The following NEDD4L variants were observed in gnomAD, a reference collection of about 807,000 sequenced individuals.
NEDD4L encodes NEDD4 like E3 ubiquitin protein ligase.
A neutral mutation model predicts 148.9 loss-of-function variants in NEDD4L; 54 were observed. That is an observed-to-expected ratio of 0.36 (90% CI 0.29 to 0.45). NEDD4L has a LOEUF of 0.45. Among genes scored for constraint, NEDD4L ranks in the 20% least tolerant of loss-of-function variants. The pLI, the probability that NEDD4L is intolerant of heterozygous loss-of-function variation, is 1.00. For synonymous variants in NEDD4L, 433 were observed against 440.7 expected, an observed-to-expected ratio of 0.98 and a Z score of 0.22; for missense variants, 856 against 1,233.8, an observed-to-expected ratio of 0.69 and a Z score of 4.59.
intron 1 of NEDD4L, among the ~76,000 whole-genome samples, chr18:58,052,035 A>G (rs73959442): frequency 0.017 from 2,526 of 152,288 alleles, 66 homozygotes; most frequent in African/African-American, 0.057. Flanking sequence ...TTGCTGGAAT[A>G]TGGAAATGAT....
At chr18:58,282,841 G>C (rs978984366) in intron 5 of NEDD4L, among the ~76,000 whole-genome samples, 1 of 152,164 alleles carries the variant, frequency 6.6e-6, no homozygotes, top group Non-Finnish European at 1.5e-5. Context: ...GGATAGGCTA[G>C]ATCATGTTGA....
chr18:58,232,014 A>C (rs76434659), intron 2 of NEDD4L, among the ~76,000 whole-genome samples: 1 of 152,192 alleles, frequency 6.6e-6, no homozygotes, highest in East Asian at 1.9e-4. Flanking sequence ...ATTTTGTTCT[A>C]TGTAAATTAT....
At chr18:58,068,906 G>A (rs1262382882) in intron 1 of NEDD4L, among the ~76,000 whole-genome samples, 2 of 152,116 alleles carry the variant, frequency 1.3e-5, no homozygotes, top group South Asian at 2.1e-4. Context: ...GGAGGCTGAG[G>A]CAGGCAGATC....
rs140354578 is a variant in NEDD4L at position 58,393,041 on chromosome 18, C to T, written c.2825+1482C>T. Among the ~76,000 whole-genome samples the T allele has an allele frequency of 3.3e-5, 5 of 152,306 alleles. No homozygotes were observed. In the East Asian group the frequency reaches 9.6e-4, roughly 29 times the overall value. Reference sequence around the variant, plus strand: ...AGAGCTACCAGAATTAGAGCCTGCACCCTTTACCACTACACCAGATACACT... The same window carrying T: ...AGAGCTACCAGAATTAGAGCCTGCATCCTTTACCACTACACCAGATACACT... On this transcript the variant is annotated intron_variant, in intron 30 of 30. Coordinates refer to ENST00000400345, the MANE Select transcript of NEDD4L (RefSeq NM_001144967.3).
chr18:58,335,110 T>C (rs1453730388), intron 12 of NEDD4L, among the ~76,000 whole-genome samples: 2 of 152,224 alleles, frequency 1.3e-5, no homozygotes, highest in African/African-American at 4.8e-5. Flanking sequence ...TTTCTGATGC[T>C]GTAAACTCAC....
intron 19 of NEDD4L, among the ~76,000 whole-genome samples, chr18:58,362,966 C>T (rs1423599362): frequency 6.6e-6 from 1 of 151,974 alleles, no homozygotes; most frequent in African/African-American, 2.4e-5. Context: ...TAAACACTGC[C>T]TAAAATAAAT....
At chr18:58,198,118 A>G (rs1444447480) in intron 2 of NEDD4L, among the ~76,000 whole-genome samples, 2 of 152,104 alleles carry the variant, frequency 1.3e-5, no homozygotes. Flanking sequence ...CTTTCTTCTG[A>G]CCTAGATATG....
intron 18 of NEDD4L, among the ~76,000 whole-genome samples, chr18:58,353,642 A>G (rs535047474): frequency 2.6e-5 from 4 of 152,356 alleles, no homozygotes; most frequent in East Asian, 1.9e-4. Flanking sequence ...CAGAATACCT[A>G]TCTTTTGAAG....
intron 2 of NEDD4L, among the ~76,000 whole-genome samples, chr18:58,221,096 C>G (rs185319339): frequency 6.6e-6 from 1 of 152,172 alleles, no homozygotes; most frequent in Admixed American, 6.5e-5. Flanking sequence ...GTTTTTTTCC[C>G]CTCTTCAAGA....
intron 5 of NEDD4L, among the ~76,000 whole-genome samples, chr18:58,269,224 G>C (rs2050673315): frequency 6.6e-6 from 1 of 151,928 alleles, no homozygotes; most frequent in Non-Finnish European, 1.5e-5. Flanking sequence ...TGTTAGCTGG[G>C]GAGATGGGAT....
chr18:58,118,054 C>G (rs942574572), intron 1 of NEDD4L, among the ~76,000 whole-genome samples: 5 of 152,238 alleles, frequency 3.3e-5, no homozygotes, highest in Admixed American at 3.3e-4. Flanking sequence ...ATTTCTTTGT[C>G]CCCTCAAGAT....
chr18:58,195,505 TGC>T, intron 2 of NEDD4L: 1 of 1,344,706 alleles, frequency 7.4e-7, no homozygotes, highest in Non-Finnish European at 9.8e-7. Context: ...GGTGGGTGGC[TGC>T]GCAGGGCCCT....
chr18:58,087,284 A>G (rs993858589), intron 1 of NEDD4L, among the ~76,000 whole-genome samples: 3 of 152,204 alleles, frequency 2.0e-5, no homozygotes, highest in African/African-American at 7.2e-5. Context: ...TCAGGAAATA[A>G]CAAAGATCTC....
chr18:58,218,452 C>A lies in NEDD4L; in HGVS notation c.123-26975C>A, dbSNP rs2043376304. Among the ~76,000 whole-genome samples, 3 of 152,154 alleles carry A rather than the reference C, an allele frequency of 2.0e-5. No individual in the cohort carries two copies. The South Asian group carries it at 6.2e-4, about 32-fold the overall frequency. On this transcript the variant is annotated intron_variant, in intron 2 of 30. Coordinates refer to ENST00000400345, the MANE Select transcript of NEDD4L (RefSeq NM_001144967.3). ...TAGAAAAAATTCCAAGGGAAATGAG[C>A]AAGAATGAAAGCATCCTCTCCTACT...
At chr18:58,150,168 A>G (rs1453461716) in intron 1 of NEDD4L, among the ~76,000 whole-genome samples, 1 of 152,252 alleles carries the variant, frequency 6.6e-6, no homozygotes, top group Non-Finnish European at 1.5e-5. Flanking sequence ...TTTCAGTTCT[A>G]AATCAATGCA....
intron 1 of NEDD4L, chr18:58,091,025 T>G (rs1366784806): frequency 8.1e-6 from 1 of 123,714 alleles, no homozygotes; most frequent in Non-Finnish European, 1.7e-5. Flanking sequence ...ACCTTACTTC[T>G]ACCCTTGGAA....
chr18:58,142,044 T>C (rs796526068), intron 1 of NEDD4L, among the ~76,000 whole-genome samples: 1,624 of 116,614 alleles, frequency 0.014, 33 homozygotes, highest in African/African-American at 0.053. Context: ...TTCTTTCTTT[T>C]TTTTTTTTTT....
intron 1 of NEDD4L, among the ~76,000 whole-genome samples, chr18:58,132,139 T>C (rs1367115030): frequency 1.3e-5 from 2 of 152,152 alleles, no homozygotes; most frequent in East Asian, 1.9e-4. Context: ...GGCTGAGGGA[T>C]TGAGTTTTTA....
chr18:58,255,564 T>C, intron 5 of NEDD4L: 2 of 1,231,802 alleles, frequency 1.6e-6, no homozygotes, highest in Non-Finnish European at 2.0e-6. Context: ...GGAATTTGTG[T>C]CTTTGGTTTG....
Sources: allele counts gnomAD v4.1 joint callset (sites outside exome capture counted in the v4.1 genomes callset), GRCh38; gene constraint gnomAD v4.1.1; transcripts MANE v1.5; gene names NCBI Gene and HGNC (gene_info 2026-07-23, HGNC 2026-07-21).